KCND2: variants seen among roughly 807,000 people sequenced by gnomAD.
KCND2 encodes potassium voltage-gated channel subfamily D member 2.
A neutral mutation model predicts 54.4 loss-of-function variants in KCND2; 16 were observed. The ratio of observed to expected loss-of-function variants is 0.29; its 90% CI spans 0.20 to 0.45. The LOEUF (loss-of-function observed/expected upper bound fraction) is 0.45. Ranked by LOEUF, KCND2 falls within the 20% of genes least tolerant of loss-of-function variation. The pLI, the probability that KCND2 is intolerant of heterozygous loss-of-function variation, is 1.00. For synonymous variants in KCND2, 317 were observed against 310.7 expected (o/e 1.02, Z -0.21); for missense variants, 486 against 824.2 (o/e 0.59, Z 5.02).
chr7:120,555,615 T>G (rs1261817058), intron 1 of KCND2, among the ~76,000 whole-genome samples: 5 of 152,244 alleles, frequency 3.3e-5, no homozygotes, highest in Admixed American at 3.3e-4. Flanking sequence ...ACTGTAGAGA[T>G]TAAAATCTGA....
At chr7:120,559,878 A>G (rs1214324269) in intron 1 of KCND2, among the ~76,000 whole-genome samples, 2 of 152,160 alleles carry the variant, frequency 1.3e-5, no homozygotes, top group African/African-American at 4.8e-5. Context: ...GCCTTAATGA[A>G]TAGTAACTTT....
At chr7:120,340,227 C>T (rs1354381924) in intron 1 of KCND2, among the ~76,000 whole-genome samples, 1 of 152,202 alleles carries the variant, frequency 6.6e-6, no homozygotes, top group Non-Finnish European at 1.5e-5. Flanking sequence ...TAAGTGATAA[C>T]TGTGACTTGG....
intron 1 of KCND2, among the ~76,000 whole-genome samples, chr7:120,600,022 T>A (rs550092513): frequency 6.6e-6 from 1 of 152,098 alleles, no homozygotes; most frequent in East Asian, 1.9e-4. Context: ...ATTTTGACAT[T>A]TTTCCCTGCA....
intron 1 of KCND2, among the ~76,000 whole-genome samples, chr7:120,590,339 T>C (rs1326099829): frequency 6.6e-6 from 1 of 152,056 alleles, no homozygotes. Flanking sequence ...TTCACCTACT[T>C]CACAGTGGTT....
chr7:120,367,487 C>A (rs944894453), intron 1 of KCND2, among the ~76,000 whole-genome samples: 5 of 151,608 alleles, frequency 3.3e-5, no homozygotes, highest in Non-Finnish European at 5.9e-5. Context: ...TCACTAGAAC[C>A]TGAAGTTTTA....
At chr7:120,661,697 T>G (rs998267724) in intron 1 of KCND2, among the ~76,000 whole-genome samples, 2 of 151,706 alleles carry the variant, frequency 1.3e-5, no homozygotes, top group African/African-American at 4.8e-5. Context: ...TGAGAAATAC[T>G]CAGGTTTTCA....
chr7:120,680,341 A>G (rs1435001677), intron 1 of KCND2, among the ~76,000 whole-genome samples: 1 of 152,184 alleles, frequency 6.6e-6, no homozygotes, highest in Admixed American at 6.6e-5. Context: ...ACTCATCACT[A>G]TCTGCCTTGT....
intron 1 of KCND2, among the ~76,000 whole-genome samples, chr7:120,527,419 T>C (rs1791790339): frequency 6.6e-6 from 1 of 152,112 alleles, no homozygotes; most frequent in Admixed American, 6.6e-5. Context: ...GTACACTACA[T>C]CTCTAGTGAG....
chr7:120,346,379 G>A (rs1056010410), intron 1 of KCND2, among the ~76,000 whole-genome samples: 18 of 152,106 alleles, frequency 1.2e-4, no homozygotes. Flanking sequence ...ATGGAATAGG[G>A]AAGATAAGTC....
In KCND2 at chr7:120,632,273, G is replaced by A. The variant is rs187071783; in HGVS notation, c.1116-100630G>A. ...TAATTTCAGCAGCATATATGCACAC[G>A]TGCTGAACAGCGAGAAACAAGGGCA... On this transcript the variant is annotated intron_variant, in intron 1 of 5. Coordinates refer to ENST00000331113, the MANE Select transcript of KCND2 (RefSeq NM_012281.3). Among the ~76,000 whole-genome samples, 10 of 152,230 alleles carry A rather than the reference G, an allele frequency of 6.6e-5. No homozygotes were observed. The South Asian group carries it at 1.0e-3, about 16-fold the overall frequency.
chr7:120,397,972 A>AGTGTGTGT (rs372421333), intron 1 of KCND2, among the ~76,000 whole-genome samples: 6 of 109,610 alleles, frequency 5.5e-5, no homozygotes, highest in Non-Finnish European at 9.2e-5. Context: ...TGTGTATATA[A>AGTGTGTGT]GTGTGTGTGT....
intron 1 of KCND2, among the ~76,000 whole-genome samples, chr7:120,588,403 G>T (rs946918202): frequency 4.6e-4 from 2 of 4,366 alleles, no homozygotes; most frequent in Admixed American, 5.5e-3. Flanking sequence ...CAACTGTGCA[G>T]TGTGTGTGTG....
At chr7:120,363,794 A>C (rs915214714) in intron 1 of KCND2, among the ~76,000 whole-genome samples, 2 of 151,318 alleles carry the variant, frequency 1.3e-5, no homozygotes, top group African/African-American at 4.9e-5. Context: ...CTACCCTTAC[A>C]CTCTTATCTG....
chr7:120,352,448 A>G (rs1174571157), intron 1 of KCND2, among the ~76,000 whole-genome samples: 4 of 105,712 alleles, frequency 3.8e-5, no homozygotes, highest in Admixed American at 1.3e-4. Context: ...AAATATATAT[A>G]CACACATACA....
intron 1 of KCND2, among the ~76,000 whole-genome samples, chr7:120,598,458 G>T (rs1230539758): frequency 6.6e-6 from 1 of 150,912 alleles, no homozygotes; most frequent in Non-Finnish European, 1.5e-5. Flanking sequence ...TTAATAAACT[G>T]CCAAACTATT....
chr7:120,288,248 A>G (rs1267709148), intron 1 of KCND2, among the ~76,000 whole-genome samples: 1 of 152,138 alleles, frequency 6.6e-6, no homozygotes, highest in East Asian at 1.9e-4. Flanking sequence ...AGCTTACGAA[A>G]AAGAAGACGG....
intron 1 of KCND2, among the ~76,000 whole-genome samples, chr7:120,404,104 A>C (rs56797671): frequency 0.1 from 15,779 of 152,228 alleles, 862 homozygotes; most frequent in Admixed American, 0.13. Context: ...TTCTTGTTTT[A>C]CTAATAATGA....
intron 1 of KCND2, among the ~76,000 whole-genome samples, chr7:120,375,634 C>A (rs752560866): frequency 1.3e-5 from 2 of 151,670 alleles, no homozygotes; most frequent in African/African-American, 4.8e-5. Flanking sequence ...TTCTATTACA[C>A]GAATTGTCAT....
intron 1 of KCND2, among the ~76,000 whole-genome samples, chr7:120,517,786 C>T (rs1379658369): frequency 6.6e-6 from 1 of 152,048 alleles, no homozygotes; most frequent in Non-Finnish European, 1.5e-5. Context: ...TTTAGGAGTG[C>T]ACTTTGATAT....
Sources: gnomAD v4.1 joint callset for allele counts (sites outside exome capture counted in the v4.1 genomes callset) on GRCh38, gnomAD v4.1.1 for gene constraint, MANE v1.5 for transcripts, NCBI Gene and HGNC (gene_info 2026-07-23, HGNC 2026-07-21) for gene names.